Variants in TRERF1 observed in about 807,000 individuals in gnomAD.
TRERF1 encodes the protein transcriptional regulating factor 1, also known as transcriptional-regulating factor 1.
TRERF1 carries 27 observed loss-of-function variants against 122.9 expected under a neutral mutation model. The observed-to-expected ratio is 0.22, with a 90% CI of 0.16 to 0.30. The LOEUF is 0.30. TRERF1 is among the 10% of genes least tolerant of loss of function. TRERF1 has a pLI of 1.00. For missense variants in TRERF1, 1,248 were observed against 1,560.3 expected, an observed-to-expected ratio of 0.80 and a Z score of 3.37; for synonymous variants, 636 against 641.7, an observed-to-expected ratio of 0.99 and a Z score of 0.13.
intron 2 of TRERF1, among the ~76,000 whole-genome samples, chr6:42,411,907 C>T (rs554472191): frequency 6.6e-6 from 1 of 152,214 alleles, no homozygotes; most frequent in East Asian, 1.9e-4. Context: ...CACGGCTGGA[C>T]CAGATGGCTT....
chr6:42,376,448 A>G (rs1432935853), intron 2 of TRERF1, among the ~76,000 whole-genome samples: 1 of 151,904 alleles, frequency 6.6e-6, no homozygotes, highest in African/African-American at 2.4e-5. Flanking sequence ...CATGGAAGGC[A>G]GAAGGCTGCT....
rs994063218 is a variant in TRERF1, at chr6:42,432,839, T to C, written c.-454+18338A>G. The stretch of plus-strand genomic sequence containing the variant: ...GCCTGGGAGACAAAGTGAGACTCTG[T>C]CTCAAAAAAAAAAAAAAAAAAAGTC... On this transcript the variant is annotated intron_variant, in intron 2 of 17. Coordinates refer to ENST00000372922, the Ensembl canonical transcript of TRERF1. Among the ~76,000 whole-genome samples the C allele has an allele frequency of 2.5e-4, 18 of 71,696 alleles. 1 individual carries two copies. The highest frequency in any genetic ancestry group is 2.4e-3 in the East Asian group (7 of 2,922). 47.0% of individuals were successfully genotyped at this position (71,696 alleles called of 152,430 possible).
Position 42,390,724 on chromosome 6 carries a change from A to G in TRERF1, c.-453-27645T>C, listed in dbSNP as rs916344120. ...CCAAAATTTCACCGCTCCCGTCAAC[A>G]GTGGGGGTGCTAGGAAAACAGTTGT... is the stretch of plus-strand genomic sequence containing the variant. On this transcript the variant is annotated intron_variant, in intron 2 of 17. Transcript: ENST00000372922. 2.0e-5 allele frequency among the ~76,000 whole-genome samples: 3 copies of G among 152,166 alleles called. No homozygotes were observed. In the South Asian group the frequency reaches 6.2e-4, roughly 32 times the overall value.
At chr6:42,290,741 C>CTTTTTTTTTTTTTTT (rs144168592) in intron 4 of TRERF1, among the ~76,000 whole-genome samples, 1 of 92,414 alleles carries the variant, frequency 1.1e-5, no homozygotes, top group African/African-American at 4.5e-5. Context: ...CATTTCTTTC[C>CTTTTTTTTTTTTTTT]TTTTTTTTTT....
chr6:42,339,307 A>C (rs1281046902), intron 3 of TRERF1, among the ~76,000 whole-genome samples: 1 of 151,918 alleles, frequency 6.6e-6, no homozygotes, highest in Non-Finnish European at 1.5e-5. Context: ...CATCTGCTTC[A>C]CCTCCTTGCC....
At chr6:42,400,298 AATGACAGCTG>A (rs939057472) in intron 2 of TRERF1, among the ~76,000 whole-genome samples, 1 of 152,192 alleles carries the variant, frequency 6.6e-6, no homozygotes, top group Non-Finnish European at 1.5e-5. Context: ...ATACAACCCA[AATGACAGCTG>A]ATGACAGCTG....
At chr6:42,431,117 A>C (rs946712534) in intron 2 of TRERF1, among the ~76,000 whole-genome samples, 1 of 152,046 alleles carries the variant, frequency 6.6e-6, no homozygotes, top group South Asian at 2.1e-4. Flanking sequence ...ACTAAAGACA[A>C]GGGAAGAGTA....
chr6:42,401,022 G>A (rs1779302053), intron 2 of TRERF1, among the ~76,000 whole-genome samples: 2 of 152,158 alleles, frequency 1.3e-5, no homozygotes, highest in Non-Finnish European at 2.9e-5. Flanking sequence ...TAAACTGCAG[G>A]GGCCCCTGGC....
At chr6:42,368,968 G>A (rs182666701) in intron 2 of TRERF1, among the ~76,000 whole-genome samples, 1 of 152,078 alleles carries the variant, frequency 6.6e-6, no homozygotes, top group Admixed American at 6.6e-5. Flanking sequence ...AAGATGACCC[G>A]AATCCAGGGG....
intron 3 of TRERF1, among the ~76,000 whole-genome samples, chr6:42,313,236 C>T (rs941528525): frequency 9.2e-5 from 14 of 152,126 alleles, no homozygotes; most frequent in Admixed American, 2.6e-4. Context: ...GAGAAGGCTC[C>T]GGCTCTGAGT....
At chr6:42,265,356 T>G (rs766202315) in intron 6 of TRERF1, among the ~76,000 whole-genome samples, 25 of 152,238 alleles carry the variant, frequency 1.6e-4, no homozygotes, top group Non-Finnish European at 3.2e-4. Context: ...AGCTCTATGC[T>G]TGGCACACAG....
intron 2 of TRERF1, among the ~76,000 whole-genome samples, chr6:42,441,334 GA>G (rs1371242243): frequency 6.6e-6 from 1 of 152,184 alleles, no homozygotes; most frequent in African/African-American, 2.4e-5. Flanking sequence ...TCAAAGGGGG[GA>G]AGGAGGAGGG....
At chr6:42,391,166 C>G (rs530500386) in intron 2 of TRERF1, among the ~76,000 whole-genome samples, 31 of 152,334 alleles carry the variant, frequency 2.0e-4, no homozygotes, top group African/African-American at 6.5e-4. Context: ...TCTCCCAGAA[C>G]AGGGCTTTTC....
chr6:42,255,001 G>C, intron 12 of TRERF1, 75 bp from the exon 13 acceptor site: 1 of 1,484,524 alleles, frequency 6.7e-7, no homozygotes, highest in South Asian at 1.1e-5. Flanking sequence ...TCTACCCAAA[G>C]GGGAAAAGCG....
At position 42,236,166 on chromosome 6, in the gene TRERF1, C is replaced by T. The variant is rs765278240; in HGVS notation, c.3066+39G>A. 10 of 1,532,460 alleles carry T rather than the reference C, an allele frequency of 6.5e-6. No homozygotes were observed. The East Asian group carries it at 1.8e-4, about 28-fold the overall frequency. The allele number at this position is 1,532,460 out of a possible 1,614,324, so 94.9% of individuals were successfully genotyped here. A position where few individuals can be genotyped will look rare whatever the true frequency, so the allele number is the denominator to read the frequency against. ...AAGCCAGGCACAGCTATATGGCTCT[C>T]ACTTGTCCCAGATCCCCAGACGACA... is the stretch of plus-strand genomic sequence containing the variant. On this transcript the variant is annotated intron_variant, in intron 16 of 17. Transcript: ENST00000372922.
At chr6:42,312,217 C>A (rs1012690410) in intron 3 of TRERF1, among the ~76,000 whole-genome samples, 1 of 152,124 alleles carries the variant, frequency 6.6e-6, no homozygotes, top group African/African-American at 2.4e-5. Context: ...TCCCCAGAGC[C>A]ACCAGAGAAG....
At chr6:42,381,780 C>T (rs919867821) in intron 2 of TRERF1, among the ~76,000 whole-genome samples, 11 of 150,334 alleles carry the variant, frequency 7.3e-5, no homozygotes, top group Admixed American at 2.0e-4. Context: ...AGAAGCAGAG[C>T]CCACCCCAGA....
chr6:42,443,391 T>C (rs1462612788), intron 2 of TRERF1, among the ~76,000 whole-genome samples: 1 of 152,228 alleles, frequency 6.6e-6, no homozygotes, highest in African/African-American at 2.4e-5. Context: ...GATATCTTTT[T>C]AAAATGAGAA....
rs747014228 is a variant in TRERF1 at position 42,262,466 on chromosome 6, G to GAGAGACA, written c.1884+853_1884+854insTGTCTCT. Among the ~76,000 whole-genome samples, 2 of 6,406 alleles carry GAGAGACA rather than the reference G, an allele frequency of 3.1e-4. 1 individual carries two copies. Among genetic ancestry groups the GAGAGACA allele is most frequent in the African/African-American group, 1.7e-3 (2 of 1,204 alleles). 4.2% of individuals were successfully genotyped at this position (6,406 alleles called of 152,430 possible). A position where few individuals can be genotyped will look rare whatever the true frequency, so the allele number is the denominator to read the frequency against. ...AGAGAGAGAGAGAGAGAGAGAGAGA[G>GAGAGACA]GAGAGAGAGAGAGAGAGAGAGAGAG... On this transcript the variant is annotated intron_variant, in intron 8 of 17. Transcript: ENST00000372922.
Sources: gnomAD v4.1 joint callset for allele counts (sites outside exome capture counted in the v4.1 genomes callset) on GRCh38, gnomAD v4.1.1 for gene constraint, MANE v1.5 for transcripts, NCBI Gene and HGNC (gene_info 2026-07-23, HGNC 2026-07-21) for gene names.